WIPI2: variants seen among roughly 807,000 people sequenced by gnomAD.
WIPI2 encodes WD repeat domain phosphoinositide-interacting protein 2.
In WIPI2, 28 loss-of-function variants were observed where a neutral mutation model predicts 52.3. The observed-to-expected ratio is 0.54, with a 90% CI of 0.40 to 0.73. The LOEUF (loss-of-function observed/expected upper bound fraction) is 0.73, where lower values mean the gene tolerates loss of function less well. Ranked by LOEUF, WIPI2 falls within the 30% of genes least tolerant of loss-of-function variation. WIPI2 has a pLI of 0.00. For synonymous variants in WIPI2, 268 were observed against 245.0 expected (o/e 1.09, Z -0.88); for missense variants, 506 against 602.9 (o/e 0.84, Z 1.68).
At chr7:5,213,747 G>A (rs995645883) in intron 3 of WIPI2, among the ~76,000 whole-genome samples, 3 of 152,056 alleles carry the variant, frequency 2.0e-5, no homozygotes, top group Non-Finnish European at 2.9e-5. Context: ...GTGCAGTGGC[G>A]CGATTTTGGC....
chr7:5,220,639 C>T (rs1282654571), intron 7 of WIPI2, among the ~76,000 whole-genome samples: 1 of 151,848 alleles, frequency 6.6e-6, no homozygotes, highest in African/African-American at 2.4e-5. Context: ...TCAGGCTTAG[C>T]TGATTTTTTT....
intron 9 of WIPI2, 108 bp downstream of exon 9, chr7:5,226,038 GCCAGTGAAGACC>G (rs1264662531): frequency 3.6e-6 from 4 of 1,116,068 alleles, no homozygotes; most frequent in Non-Finnish European, 5.2e-6. Flanking sequence ...GACATCGTTA[GCCAGTGAAGACC>G]CCGGAGCTGG....
At position 5,222,610 on chromosome 7, in the gene WIPI2, G is replaced by C; in HGVS notation, c.678G>C (p.Val226=). The change falls in exon 8 of 13, where the codon GTG becomes GTC. Residue 226 remains valine, a synonymous_variant. Transcript: ENST00000288828. Reference sequence around the variant, plus strand: ...CTCTTTTCCTTCCACAGGGGACCGTGATTAGGGTATTTTCCATTCCAGAAG... The same window carrying C: ...CTCTTTTCCTTCCACAGGGGACCGTCATTAGGGTATTTTCCATTCCAGAAG... ...KLATASEKGT[V]IRVFSIPEGQ... is the part of the protein sequence containing the mutation. 1 of 1,613,994 alleles carries C rather than the reference G, an allele frequency of 6.2e-7. No homozygotes were observed.
chr7:5,190,617 A>T, intron 1 of WIPI2, 124 bp downstream of exon 1: 1 of 1,006,840 alleles, frequency 9.9e-7, no homozygotes, highest in Non-Finnish European at 1.3e-6. Context: ...CAAGGCGCGC[A>T]GAGGCGTCCC....
chr7:5,229,814 A>T, intron 12 of WIPI2, 76 bp downstream of exon 12: 1 of 1,575,666 alleles, frequency 6.3e-7, no homozygotes, highest in Non-Finnish European at 8.6e-7. Context: ...CTGGCTCCGG[A>T]GCCACCCCAC....
chr7:5,190,291 T>C lies in WIPI2; in HGVS notation c.-129T>C. 2 of 489,438 alleles carry C rather than the reference T, an allele frequency of 4.1e-6. No individual in the cohort carries two copies. The highest frequency in any genetic ancestry group is 6.1e-6 in the Non-Finnish European group (2 of 327,938). 30.3% of individuals were successfully genotyped at this position (489,438 alleles called of 1,614,324 possible). On this transcript the variant is annotated 5_prime_UTR_variant, in exon 1 of 13. Coordinates refer to ENST00000288828, the MANE Select transcript of WIPI2 (RefSeq NM_015610.4). ...GAGCGGGGACGGGATGAGGCGGCGG[T>C]TGATCCCAGGGTGGCGAGTGGCGGC...
chr7:5,217,587 C>T (rs945475031), intron 6 of WIPI2: 13 of 414,636 alleles, frequency 3.1e-5, no homozygotes, highest in South Asian at 1.8e-4. Flanking sequence ...GGGTGCCCCG[C>T]GCCCAGCCCC....
At chr7:5,219,625 A>G (rs1466018724) in intron 7 of WIPI2, among the ~76,000 whole-genome samples, 1 of 152,186 alleles carries the variant, frequency 6.6e-6, no homozygotes, top group Non-Finnish European at 1.5e-5. Context: ...TCATGTGGCA[A>G]CAAAACAACT....
intron 3 of WIPI2, among the ~76,000 whole-genome samples, chr7:5,200,462 C>T (rs1460661052): frequency 6.6e-6 from 1 of 152,148 alleles, no homozygotes; most frequent in Non-Finnish European, 1.5e-5. Context: ...AGTGTAATAT[C>T]ATAGCTGGGA....
chr7:5,231,042 G>C lies in WIPI2; in HGVS notation c.*95G>C. ...CTATGAACTTTGACCTGAGTCGGGG[G>C]AGAGGATGGCAGAGACTTTATTAAA... On this transcript the variant is annotated 3_prime_UTR_variant, in exon 13 of 13. Coordinates refer to ENST00000288828, the MANE Select transcript of WIPI2 (RefSeq NM_015610.4). The C allele has an allele frequency of 4.0e-6, 4 of 1,008,592 alleles. No individual in the cohort carries two copies. Among genetic ancestry groups the C allele is most frequent in the Non-Finnish European group, 4.2e-6 (3 of 709,658 alleles). The allele number at this position is 1,008,592 out of a possible 1,614,324, so 62.5% of individuals were successfully genotyped here.
chr7:5,219,985 G>A (rs1278384077), intron 7 of WIPI2, among the ~76,000 whole-genome samples: 1 of 151,512 alleles, frequency 6.6e-6, no homozygotes, highest in Non-Finnish European at 1.5e-5. Flanking sequence ...ACAGGCACCT[G>A]CCACCACGCC....
intron 3 of WIPI2, among the ~76,000 whole-genome samples, chr7:5,205,075 A>C (rs1465202067): frequency 2.0e-5 from 3 of 152,074 alleles, no homozygotes; most frequent in Admixed American, 2.0e-4. Flanking sequence ...TCCTGGGTTC[A>C]AGCAATTCTC....
At chr7:5,217,875 G>C (rs773874053) in intron 6 of WIPI2, 47 bp from the exon 7 acceptor site, 1 of 1,596,764 alleles carries the variant, frequency 6.3e-7, no homozygotes, top group Admixed American at 1.7e-5. Context: ...CTGGGGCGTG[G>C]GCGGTCACTG....
intron 4 of WIPI2, among the ~76,000 whole-genome samples, chr7:5,215,033 G>A (rs1254446957): frequency 1.3e-5 from 2 of 152,192 alleles, no homozygotes; most frequent in African/African-American, 2.4e-5. Flanking sequence ...ATATTTGGCC[G>A]AGCACAGTGG....
chr7:5,233,635 C>A lies in WIPI2; in HGVS notation c.*2688C>A, dbSNP rs565362645. The A allele has an allele frequency of 6.6e-6, 1 of 152,450 alleles. No homozygotes were observed. The highest frequency in any genetic ancestry group is 2.4e-5 in the African/African-American group (1 of 41,402). The allele number at this position is 152,450 out of a possible 1,614,324, so 9.4% of individuals were successfully genotyped here. A position where few individuals can be genotyped will look rare whatever the true frequency, so the allele number is the denominator to read the frequency against. ...AGTCAAAAAGAACTGCTTCAGTCCCCGCTGTACCGCCTGCCTAGCTGTGGG... is the reference window on the plus strand; with the variant it reads ...AGTCAAAAAGAACTGCTTCAGTCCCAGCTGTACCGCCTGCCTAGCTGTGGG... On this transcript the variant is annotated 3_prime_UTR_variant, in exon 13 of 13. Transcript: ENST00000288828.
At position 5,197,111 on chromosome 7, in the gene WIPI2, C is replaced by CAAAAAAAAAAAAAAAAAAAAAAAAAAA. The variant is rs1562384541; in HGVS notation, c.129-2459_129-2458insAAAAAAAAAAAAAAAAAAAAAAAAAAA. Among the ~76,000 whole-genome samples the CAAAAAAAAAAAAAAAAAAAAAAAAAAA allele has an allele frequency of 7.1e-5, 4 of 56,428 alleles. 2 individuals are homozygous for CAAAAAAAAAAAAAAAAAAAAAAAAAAA. 37.0% of individuals were successfully genotyped at this position (56,428 alleles called of 152,430 possible). On this transcript the variant is annotated intron_variant, in intron 2 of 12. Transcript: ENST00000288828. Reference sequence around the variant, plus strand: ...TGCATGACAGAGCGGGACTCCGTCTCAAAAAACAAAAAAAAAAAAAAAAAA... The same window carrying CAAAAAAAAAAAAAAAAAAAAAAAAAAA: ...TGCATGACAGAGCGGGACTCCGTCTCAAAAAAAAAAAAAAAAAAAAAAAAAAAAAAAAACAAAAAAAAAAAAAAAAAA...
At chr7:5,217,897 C>G (rs768781379) in intron 6 of WIPI2, 25 bp from the exon 7 acceptor site, 5 of 1,613,660 alleles carry the variant, frequency 3.1e-6, no homozygotes, top group Non-Finnish European at 4.2e-6. Flanking sequence ...GCGGTGGCCA[C>G]TCTTTATTGG....
intron 6 of WIPI2, 78 bp from the exon 7 acceptor site, chr7:5,217,844 C>T (rs1782898961): frequency 7.0e-7 from 1 of 1,431,964 alleles, no homozygotes; most frequent in East Asian, 2.3e-5. Context: ...CTAATTGGCA[C>T]TTGCGGACCA....
chr7:5,212,328 A>G (rs1303736798), intron 3 of WIPI2, among the ~76,000 whole-genome samples: 1 of 152,162 alleles, frequency 6.6e-6, no homozygotes, highest in East Asian at 1.9e-4. Context: ...CAACAGGTAC[A>G]GGATGCAACC....
Sources: gnomAD v4.1 joint callset for allele counts (sites outside exome capture counted in the v4.1 genomes callset) on GRCh38, gnomAD v4.1.1 for gene constraint, MANE v1.5 for transcripts, NCBI Gene and HGNC (gene_info 2026-07-23, HGNC 2026-07-21) for gene names.